The following CADPS variants were observed in gnomAD, a reference collection of about 807,000 sequenced individuals.
CADPS encodes the protein calcium-dependent secretion activator 1.
Under a neutral mutation model 167.3 loss-of-function variants are expected in CADPS, and 57 were observed. The observed-to-expected ratio is 0.34, with a 90% CI of 0.28 to 0.42. The LOEUF (loss-of-function observed/expected upper bound fraction) is 0.42. CADPS is among the 20% of genes least tolerant of loss of function. The probability of loss-of-function intolerance (pLI) is 1.00; values close to 1 mark genes in which losing one functional copy is unlikely to be tolerated. For missense variants in CADPS, 1,414 were observed against 1,738.1 expected (o/e 0.81, Z 3.32); for synonymous variants, 676 against 635.3 (o/e 1.06, Z -0.96).
chr3:62,745,411 G>A (rs569693051), intron 3 of CADPS, among the ~76,000 whole-genome samples: 16 of 152,268 alleles, frequency 1.1e-4, no homozygotes, highest in African/African-American at 3.6e-4. Context: ...TTGGAAGATT[G>A]CTGAAATTAA....
rs1278456063 is a variant in CADPS, at chr3:62,420,178, G to C, written c.3778-16993C>G. 1.3e-5 allele frequency among the ~76,000 whole-genome samples: 2 copies of C among 152,076 alleles called. No homozygotes were observed. The highest frequency in any genetic ancestry group is 2.9e-5 in the Non-Finnish European group (2 of 68,036). On this transcript the variant is annotated intron_variant, in intron 28 of 29. Coordinates refer to ENST00000383710, the MANE Select transcript of CADPS (RefSeq NM_003716.4). This position sits in a 1 kb window ranked among gnomAD's most constrained non-coding sequence, Gnocchi z 4.1. ...CTGGTTTCCAAGCAGATAGTGAAAG[G>C]ACACAAATATACCATCTAAAAGGTA...
chr3:62,741,253 A>G (rs929565045), intron 3 of CADPS, among the ~76,000 whole-genome samples: 1 of 152,078 alleles, frequency 6.6e-6, no homozygotes, highest in African/African-American at 2.4e-5. Context: ...AGGAGGAGGG[A>G]CTCCTGCCTA....
At chr3:62,633,546 T>C (rs2065707391) in intron 6 of CADPS, among the ~76,000 whole-genome samples, 1 of 152,114 alleles carries the variant, frequency 6.6e-6, no homozygotes. Context: ...AGGTGCCTTC[T>C]TGCCGTAGAG....
chr3:62,750,353 CAAAAAAA>C lies in CADPS; in HGVS notation c.888+3081_888+3087del, dbSNP rs56069272. Among the ~76,000 whole-genome samples, 180 of 44,900 alleles carry C rather than the reference CAAAAAAA, an allele frequency of 4.0e-3. 1 individual carries two copies. The highest frequency in any genetic ancestry group is 4.4e-3 in the South Asian group (3 of 682). The allele number at this position is 44,900 out of a possible 152,430, so 29.5% of individuals were successfully genotyped here. On this transcript the variant is annotated intron_variant, in intron 3 of 29. Transcript: ENST00000383710. ...GTGACAGAGTGAGACTCTTAAGCTCCAAAAAAAAAAAAAAAAAAAAAAAAAGGTGAAT... is the reference window on the plus strand; with the variant it reads ...GTGACAGAGTGAGACTCTTAAGCTCCAAAAAAAAAAAAAAAAAAGGTGAAT...
chr3:62,818,540 T>C (rs899917741), intron 1 of CADPS, among the ~76,000 whole-genome samples: 4 of 152,116 alleles, frequency 2.6e-5, no homozygotes, highest in South Asian at 2.1e-4. Context: ...GACAGACCAG[T>C]GTTGGAAAGG....
chr3:62,666,776 C>T (rs765822396), intron 3 of CADPS, among the ~76,000 whole-genome samples: 3 of 152,146 alleles, frequency 2.0e-5, no homozygotes, highest in African/African-American at 4.8e-5. Flanking sequence ...TTGTCTCTAG[C>T]TCATGGGTGG....
intron 1 of CADPS, among the ~76,000 whole-genome samples, chr3:62,813,546 C>T (rs1235839357): frequency 6.6e-6 from 1 of 151,972 alleles, no homozygotes; most frequent in Non-Finnish European, 1.5e-5. Context: ...TTCTGAACAT[C>T]AGCCTTGGGA....
intron 6 of CADPS, among the ~76,000 whole-genome samples, chr3:62,627,583 A>G (rs2064338023): frequency 6.6e-6 from 1 of 152,180 alleles, no homozygotes. Context: ...TAATCTGAGA[A>G]TCTTTAAAAC....
chr3:62,495,051 G>C (rs1157599797), intron 18 of CADPS, among the ~76,000 whole-genome samples: 1 of 152,078 alleles, frequency 6.6e-6, no homozygotes, highest in East Asian at 1.9e-4. Flanking sequence ...ATCCCTCATT[G>C]TAATTTAATA....
chr3:62,583,175 C>CTCTT lies in CADPS; in HGVS notation c.1577+2009_1577+2010insAAGA, dbSNP rs2083819106. 4.6e-5 allele frequency among the ~76,000 whole-genome samples: 7 copies of CTCTT among 151,912 alleles called. No homozygotes were observed. The South Asian group carries it at 1.5e-3, about 32-fold the overall frequency. On this transcript the variant is annotated intron_variant, in intron 8 of 29. Transcript: ENST00000383710. ...TCTTTGTCTCTCTCTCTCTCTCTCT[C>CTCTT]TCTCTCTCTCTCTTTCTACGTCTGT...
At chr3:62,595,558 C>A (rs2058791373) in intron 6 of CADPS, among the ~76,000 whole-genome samples, 1 of 152,136 alleles carries the variant, frequency 6.6e-6, no homozygotes, top group Admixed American at 6.5e-5. Flanking sequence ...GTTGAGAACC[C>A]AACAAATTTT....
rs530336404 is a variant in CADPS, at chr3:62,728,570, G to C, written c.888+24871C>G. Reference sequence around the variant, plus strand: ...CTCAAATATGGCATTGAAAACTAGAGCTGGAGCTTGAGGGAGATTTTGGAT... The same window carrying C: ...CTCAAATATGGCATTGAAAACTAGACCTGGAGCTTGAGGGAGATTTTGGAT... On this transcript the variant is annotated intron_variant, in intron 3 of 29. Transcript: ENST00000383710. Among the ~76,000 whole-genome samples, 5 of 151,942 alleles carry C rather than the reference G, an allele frequency of 3.3e-5. No individual in the cohort carries two copies. The South Asian group carries it at 8.3e-4, about 25-fold the overall frequency.
At chr3:62,721,067 T>C (rs1036811818) in intron 3 of CADPS, among the ~76,000 whole-genome samples, 4 of 150,272 alleles carry the variant, frequency 2.7e-5, no homozygotes, top group Non-Finnish European at 4.4e-5. Flanking sequence ...TCTGCCTACC[T>C]TGGCCTCCCA....
At chr3:62,612,958 A>G (rs2061702288) in intron 6 of CADPS, among the ~76,000 whole-genome samples, 1 of 152,212 alleles carries the variant, frequency 6.6e-6, no homozygotes, top group African/African-American at 2.4e-5. Context: ...TGGGCAAGAC[A>G]GACAATAATC....
intron 1 of CADPS, among the ~76,000 whole-genome samples, chr3:62,854,043 G>A (rs999158818): frequency 2.0e-5 from 3 of 152,146 alleles, no homozygotes; most frequent in African/African-American, 7.2e-5. Context: ...ATTTCATGCT[G>A]AACCTACTGC....
At chr3:62,830,669 T>G (rs1185824704) in intron 1 of CADPS, among the ~76,000 whole-genome samples, 1 of 152,142 alleles carries the variant, frequency 6.6e-6, no homozygotes, top group East Asian at 1.9e-4. Flanking sequence ...AGACCTGACT[T>G]AAGAAATCTT....
At chr3:62,506,139 C>T (rs1973022) in intron 17 of CADPS, among the ~76,000 whole-genome samples, 15,104 of 152,144 alleles carry the variant, frequency 0.099, 802 homozygotes, top group East Asian at 0.16. Context: ...CCTGTAATCC[C>T]GGCACTTTGG....
At chr3:62,725,560 C>G (rs539695845) in intron 3 of CADPS, among the ~76,000 whole-genome samples, 1 of 149,418 alleles carries the variant, frequency 6.7e-6, no homozygotes, top group South Asian at 2.1e-4. Flanking sequence ...ACCATTGAAG[C>G]AAGAATGATA....
At chr3:62,599,798 ATATATAATAAATAATATAT>A (rs2059601297) in intron 6 of CADPS, among the ~76,000 whole-genome samples, 1 of 11,460 alleles carries the variant, frequency 8.7e-5, no homozygotes, top group Non-Finnish European at 1.4e-4. Flanking sequence ...AATATATATA[ATATATAATAAATAATATAT>A]TATATATTAT....
Sources: gnomAD v4.1 joint callset for allele counts (sites outside exome capture counted in the v4.1 genomes callset) on GRCh38, gnomAD v4.1.1 for gene constraint, Gnocchi (gnomAD v3.1) non-coding constraint, MANE v1.5 for transcripts, NCBI Gene and HGNC (gene_info 2026-07-23, HGNC 2026-07-21) for gene names.